The following SORCS1 variants were observed in gnomAD, a reference collection of about 807,000 sequenced individuals.
SORCS1 encodes the protein VPS10 domain-containing receptor SorCS1.
A neutral mutation model predicts 146.1 loss-of-function variants in SORCS1; 60 were observed. The ratio of observed to expected loss-of-function variants is 0.41; its 90% CI spans 0.33 to 0.51. SORCS1 has a LOEUF of 0.51. Ranked by LOEUF, SORCS1 falls within the 20% of genes least tolerant of loss-of-function variation. The pLI, the probability that SORCS1 is intolerant of heterozygous loss-of-function variation, is 0.21. For synonymous variants in SORCS1, 637 were observed against 584.0 expected, an observed-to-expected ratio of 1.09 and a Z score of -1.31; for missense variants, 1,352 against 1,487.6, an observed-to-expected ratio of 0.91 and a Z score of 1.50.
chr10:107,009,530 G>A (rs1957601791), intron 1 of SORCS1, among the ~76,000 whole-genome samples: 1 of 152,116 alleles, frequency 6.6e-6, no homozygotes. Context: ...AGCAAAATAA[G>A]CATAACACAG....
intron 23 of SORCS1, among the ~76,000 whole-genome samples, chr10:106,597,979 C>T (rs1049607283): frequency 4.6e-5 from 7 of 152,026 alleles, no homozygotes; most frequent in Admixed American, 6.6e-5. Context: ...TTATTTCATG[C>T]TTATAAATAT....
chr10:106,893,842 G>A (rs1951337829), intron 2 of SORCS1, among the ~76,000 whole-genome samples: 2 of 152,172 alleles, frequency 1.3e-5, no homozygotes, highest in African/African-American at 4.8e-5. Flanking sequence ...CTTCGGGCCA[G>A]CAGCATGAGG....
chr10:106,655,528 T>C (rs1199898350), intron 17 of SORCS1, among the ~76,000 whole-genome samples: 1 of 152,216 alleles, frequency 6.6e-6, no homozygotes, highest in East Asian at 1.9e-4. Flanking sequence ...AGCTAGAGAA[T>C]ATTCTTTTGT....
intron 2 of SORCS1, among the ~76,000 whole-genome samples, chr10:106,909,235 G>A (rs914243407): frequency 1.3e-5 from 2 of 152,232 alleles, no homozygotes; most frequent in African/African-American, 4.8e-5. Flanking sequence ...CTGCCTGGCT[G>A]CCTTGCTTGC....
chr10:106,584,050 T>C (rs952293666), intron 24 of SORCS1, among the ~76,000 whole-genome samples: 1 of 152,220 alleles, frequency 6.6e-6, no homozygotes, highest in African/African-American at 2.4e-5. Flanking sequence ...TTACCATACC[T>C]TGATATTCTT....
At chr10:107,085,987 G>T (rs1963729585) in intron 1 of SORCS1, among the ~76,000 whole-genome samples, 1 of 152,202 alleles carries the variant, frequency 6.6e-6, no homozygotes, top group Non-Finnish European at 1.5e-5. Flanking sequence ...GTTGGATAAA[G>T]AAGTCCAAAG....
intron 3 of SORCS1, among the ~76,000 whole-genome samples, chr10:106,799,746 G>A (rs541799449): frequency 6.6e-6 from 1 of 152,326 alleles, no homozygotes; most frequent in East Asian, 1.9e-4. Flanking sequence ...TGCTGGAGAG[G>A]AAGTGGAGAA....
intron 2 of SORCS1, among the ~76,000 whole-genome samples, chr10:106,955,548 A>G (rs749875511): frequency 3.3e-5 from 5 of 152,256 alleles, no homozygotes; most frequent in Non-Finnish European, 7.3e-5. Context: ...AGAGGCACTG[A>G]AAAAATCCTG....
chr10:107,005,391 T>C (rs960230015), intron 1 of SORCS1, among the ~76,000 whole-genome samples: 1 of 152,122 alleles, frequency 6.6e-6, no homozygotes, highest in Non-Finnish European at 1.5e-5. Flanking sequence ...CTTTAAAAAC[T>C]AGAGATTGTT....
chr10:106,642,756 C>T (rs1343593023), intron 18 of SORCS1, among the ~76,000 whole-genome samples: 1 of 152,054 alleles, frequency 6.6e-6, no homozygotes, highest in East Asian at 1.9e-4. Flanking sequence ...GCACACTAGG[C>T]ATTCAACAAA....
intron 8 of SORCS1, among the ~76,000 whole-genome samples, chr10:106,702,025 C>T (rs975759499): frequency 6.6e-5 from 10 of 152,252 alleles, no homozygotes; most frequent in Non-Finnish European, 8.8e-5. Flanking sequence ...ACTATATACA[C>T]GATAAGAAAG....
chr10:106,962,681 C>T (rs1955294596), intron 1 of SORCS1, among the ~76,000 whole-genome samples: 1 of 152,174 alleles, frequency 6.6e-6, no homozygotes. Context: ...TTTCTCTCAA[C>T]CACTAGTGAT....
chr10:106,759,458 T>C (rs931463406), intron 5 of SORCS1, among the ~76,000 whole-genome samples: 1 of 152,210 alleles, frequency 6.6e-6, no homozygotes, highest in African/African-American at 2.4e-5. Flanking sequence ...GAAATTAGGG[T>C]AAGGTAGAAT....
intron 4 of SORCS1, among the ~76,000 whole-genome samples, chr10:106,769,482 C>T (rs1357802506): frequency 9.7e-6 from 1 of 103,184 alleles, no homozygotes; most frequent in Non-Finnish European, 1.9e-5. Context: ...TAGACTCCGT[C>T]TCAAAAAAAA....
chr10:106,898,307 C>T (rs997802889), intron 2 of SORCS1, among the ~76,000 whole-genome samples: 1 of 152,122 alleles, frequency 6.6e-6, no homozygotes, highest in African/African-American at 2.4e-5. Flanking sequence ...TAAAATAAAC[C>T]CACTTACAGC....
intron 3 of SORCS1, among the ~76,000 whole-genome samples, chr10:106,824,781 C>A (rs1948217810): frequency 6.6e-6 from 1 of 151,948 alleles, no homozygotes; most frequent in African/African-American, 2.4e-5. Context: ...TGGTATGTAC[C>A]AAGAGACCCG....
intron 4 of SORCS1, among the ~76,000 whole-genome samples, chr10:106,774,388 A>G (rs1860269121): frequency 6.6e-6 from 1 of 152,130 alleles, no homozygotes; most frequent in Non-Finnish European, 1.5e-5. Flanking sequence ...AAAATCAAAC[A>G]GCCAAAACAG....
rs116910470 is a variant in SORCS1, at chr10:106,658,477, C to T, written c.2304-5924G>A. ...TGAGCAACGGTGGTCCTCATTTGCA[C>T]TCACAATAAAAAAAAAGCATAAATA... On this transcript the variant is annotated intron_variant, in intron 17 of 25. Coordinates refer to ENST00000263054, the MANE Select transcript of SORCS1 (RefSeq NM_052918.5). Among the ~76,000 whole-genome samples the T allele has an allele frequency of 6.1e-4, 93 of 152,094 alleles. 1 individual carries two copies. The East Asian group carries it at 0.015, about 25-fold the overall frequency.
chr10:107,083,105 A>G (rs1163095989), intron 1 of SORCS1, among the ~76,000 whole-genome samples: 1 of 139,088 alleles, frequency 7.2e-6, no homozygotes. Flanking sequence ...TAAGACTCCA[A>G]CTCACAAAAA....
Sources: gnomAD v4.1 joint callset for allele counts (sites outside exome capture counted in the v4.1 genomes callset) on GRCh38, gnomAD v4.1.1 for gene constraint, MANE v1.5 for transcripts, NCBI Gene and HGNC (gene_info 2026-07-23, HGNC 2026-07-21) for gene names.